The following PAPOLA variants were observed in gnomAD, a reference collection of about 807,000 sequenced individuals.
PAPOLA encodes poly(A) polymerase alpha.
In PAPOLA, 15 loss-of-function variants were observed where a neutral mutation model predicts 100.6. That is an observed-to-expected ratio of 0.15 (90% CI 0.10 to 0.23). The LOEUF (loss-of-function observed/expected upper bound fraction) is 0.23. Ranked by LOEUF, PAPOLA falls within the 10% of genes least tolerant of loss-of-function variation. PAPOLA has a pLI of 1.00. For missense variants in PAPOLA, 533 were observed against 884.2 expected (o/e 0.60, Z 5.04); for synonymous variants, 293 against 300.0 (o/e 0.98, Z 0.24).
chr14:96,517,246 A>G (rs1897540057), intron 1 of PAPOLA, among the ~76,000 whole-genome samples: 1 of 152,216 alleles, frequency 6.6e-6, no homozygotes, highest in South Asian at 2.1e-4. Context: ...TAATCCCAGG[A>G]TAATTGTGAA....
In PAPOLA at chr14:96,565,089, C is replaced by A; in HGVS notation, c.*39C>A. On this transcript the variant is annotated 3_prime_UTR_variant, in exon 22 of 22. Coordinates refer to ENST00000216277, the MANE Select transcript of PAPOLA (RefSeq NM_032632.5). ...GGTCCATAAACAATATCTGCCAACT[C>A]AACCTGTTGTCTTCAAATGCTAAAA... The A allele has an allele frequency of 1.0e-6, 1 of 983,516 alleles. No individual in the cohort carries two copies. The highest frequency in any genetic ancestry group is 1.7e-6 in the Non-Finnish European group (1 of 605,060). 60.9% of individuals were successfully genotyped at this position (983,516 alleles called of 1,614,324 possible).
chr14:96,542,903 T>A lies in PAPOLA; in HGVS notation c.1289+10T>A. On this transcript the variant is annotated intron_variant, in intron 14 of 21. Coordinates refer to ENST00000216277, the MANE Select transcript of PAPOLA (RefSeq NM_032632.5). ...AAGAAAATCCCGACAAGTAAGCCCT[T>A]TTCTAATTTAATTTCTTCTTCCCAT... 3 of 1,609,104 alleles carry A rather than the reference T, an allele frequency of 1.9e-6. No individual in the cohort carries two copies. The highest frequency in any genetic ancestry group is 2.5e-6 in the Non-Finnish European group (3 of 1,178,702).
chr14:96,538,072 A>G (rs1899685076), intron 12 of PAPOLA, among the ~76,000 whole-genome samples: 1 of 152,036 alleles, frequency 6.6e-6, no homozygotes, highest in East Asian at 1.9e-4. Flanking sequence ...TCTGTTTGAC[A>G]GATAATTTTT....
intron 3 of PAPOLA, among the ~76,000 whole-genome samples, chr14:96,522,024 G>T (rs1230825581): frequency 1.3e-5 from 2 of 150,636 alleles, no homozygotes; most frequent in Non-Finnish European, 3.0e-5. Flanking sequence ...CTGGTCTTGA[G>T]CTCCTGACCT....
In PAPOLA at chr14:96,562,868, C is replaced by G. The variant is rs754025212; in HGVS notation, c.2117C>G (p.Thr706Arg). 6.2e-7 allele frequency: 1 copy of G among 1,612,146 alleles called. No individual in the cohort carries two copies. Among genetic ancestry groups the G allele is most frequent in the Admixed American group, 1.7e-5 (1 of 59,878 alleles). Residue 706 changes from threonine to arginine, a missense_variant, in exon 21 of 22, where the codon ACA becomes AGA. By Grantham distance (71) the Thr-to-Arg change is moderately conservative (BLOSUM62 -1). Around this residue, in one of 9 missense-constraint regions of PAPOLA, gnomAD observed 242 missense variants for 281.0 expected, o/e 0.86. Transcript: ENST00000216277. Reference sequence around the variant, plus strand: ...ACAACTCAATCAGAAACTATTCAGACAGCGGCTTCTCTGTTGGCCTCTCAG... The same window carrying G: ...ACAACTCAATCAGAAACTATTCAGAGAGCGGCTTCTCTGTTGGCCTCTCAG... ...TSTTQSETIQ[T>R]AASLLASQKT...
At chr14:96,544,003 T>C (rs1026956771) in intron 14 of PAPOLA, 146 bp from the exon 15 acceptor site, 10 of 608,246 alleles carry the variant, frequency 1.6e-5, no homozygotes, top group African/African-American at 1.1e-4. Context: ...GTGAGGACTT[T>C]GCGTTTTCAT....
In PAPOLA at chr14:96,510,171, C is replaced by T. The variant is rs117295498; in HGVS notation, c.8+7571C>T. Among the ~76,000 whole-genome samples, 364 of 151,864 alleles carry T rather than the reference C, an allele frequency of 2.4e-3. 4 individuals carry two copies. The East Asian group carries it at 0.049, about 20-fold the overall frequency. On this transcript the variant is annotated intron_variant, in intron 1 of 21. Coordinates refer to ENST00000216277, the MANE Select transcript of PAPOLA (RefSeq NM_032632.5). ...CCAGAAATTGGATTCTTGGATTTTA[C>T]GGCAGTTTTTATAATTTTGAGGTTG...
At chr14:96,502,732 T>A (rs555112695) in intron 1 of PAPOLA, 132 bp downstream of exon 1, 2 of 957,022 alleles carry the variant, frequency 2.1e-6, no homozygotes, top group Admixed American at 3.4e-5. Context: ...CAGGCAGGAC[T>A]GGGGACCTTC....
intron 1 of PAPOLA, among the ~76,000 whole-genome samples, chr14:96,510,478 C>A (rs1350753021): frequency 6.6e-6 from 1 of 151,260 alleles, no homozygotes. Context: ...ACAACACACA[C>A]GCGCGCGTGC....
At chr14:96,534,949 C>T (rs1232613907) in intron 10 of PAPOLA, 1 of 993,430 alleles carries the variant, frequency 1.0e-6, no homozygotes, top group Non-Finnish European at 1.2e-6. Context: ...TATAGGAAAG[C>T]TGTTACTTAA....
intron 12 of PAPOLA, among the ~76,000 whole-genome samples, chr14:96,540,325 T>C (rs1395985481): frequency 6.6e-6 from 1 of 152,194 alleles, no homozygotes; most frequent in Non-Finnish European, 1.5e-5. Context: ...TTTGTGTTTT[T>C]GTGTACATGC....
Position 96,542,829 on chromosome 14 carries a change from G to A in PAPOLA, c.1225G>A (p.Glu409Lys). The A allele has an allele frequency of 1.2e-6, 2 of 1,612,658 alleles. No homozygotes were observed. The highest frequency in any genetic ancestry group is 1.7e-6 in the Non-Finnish European group (2 of 1,179,506). Residue 409 changes from glutamate to lysine, a missense_variant, in exon 14 of 22, where the codon GAA becomes AAA. This residue lies in a region of PAPOLA where 87 missense variants were observed against 173.3 expected (regional missense o/e 0.50). Transcript: ENST00000216277. ...CCTGGTTGGAAGCTTGGAGAAGAAT[G>A]AATTTATTACACTGGCTCATGTGAA... ...RILVGSLEKN[E>K]FITLAHVNPQ...
intron 15 of PAPOLA, among the ~76,000 whole-genome samples, chr14:96,546,807 G>C (rs1442808311): frequency 6.6e-6 from 1 of 152,118 alleles, no homozygotes; most frequent in Non-Finnish European, 1.5e-5. Flanking sequence ...GCACATAAGG[G>C]ATTATGGATT....
At chr14:96,527,799 A>G (rs1898622194) in intron 5 of PAPOLA, 154 bp from the exon 6 acceptor site, 2 of 678,768 alleles carry the variant, frequency 2.9e-6, no homozygotes, top group Non-Finnish European at 5.3e-6. Context: ...TGGGTGAAGT[A>G]AAATATTTGA....
chr14:96,539,837 G>A (rs1219516897), intron 12 of PAPOLA, among the ~76,000 whole-genome samples: 1 of 152,070 alleles, frequency 6.6e-6, no homozygotes, highest in Non-Finnish European at 1.5e-5. Flanking sequence ...GATATTTAGA[G>A]AATGCAGTTG....
chr14:96,553,599 G>A (rs975035384), intron 17 of PAPOLA: 18 of 152,014 alleles, frequency 1.2e-4, no homozygotes, highest in South Asian at 2.1e-4. Flanking sequence ...TGCGACTTCC[G>A]CCTCCCAGGT....
chr14:96,534,719 A>G (rs1456047304), intron 10 of PAPOLA, 156 bp downstream of exon 10: 9 of 1,448,146 alleles, frequency 6.2e-6, no homozygotes, highest in Non-Finnish European at 8.2e-6. Flanking sequence ...AATTGTCCTC[A>G]ACTATAATTG....
intron 21 of PAPOLA, among the ~76,000 whole-genome samples, chr14:96,564,154 A>C (rs1000018300): frequency 6.6e-6 from 1 of 152,094 alleles, no homozygotes; most frequent in Admixed American, 6.5e-5. Flanking sequence ...TATTGTGGCT[A>C]TACCTAATAA....
chr14:96,502,659 G>A lies in PAPOLA; in HGVS notation c.8+59G>A, dbSNP rs1308045379. 43 of 1,547,396 alleles carry A rather than the reference G, an allele frequency of 2.8e-5. No homozygotes were observed. The South Asian group carries it at 4.3e-4, about 16-fold the overall frequency. ...CCGGCTGGGCCTTGGGGGGCGTCCG[G>A]GAAGGGGAAGAGGTAGGCGGAGAGG... On this transcript the variant is annotated intron_variant, in intron 1 of 21. Coordinates refer to ENST00000216277, the MANE Select transcript of PAPOLA (RefSeq NM_032632.5).
Sources: gnomAD v4.1 joint callset for allele counts (sites outside exome capture counted in the v4.1 genomes callset) on GRCh38, gnomAD v4.1.1 for gene constraint, gnomAD v4.1.1 regional missense constraint, MANE v1.5 for transcripts, NCBI Gene and HGNC (gene_info 2026-07-23, HGNC 2026-07-21) for gene names.